Variants in HYDIN observed in about 807,000 individuals in gnomAD.
HYDIN encodes axonemal central pair apparatus protein HYDIN.
A neutral mutation model predicts 403.9 loss-of-function variants in HYDIN; 132 were observed. That is an observed-to-expected ratio of 0.33 (90% confidence interval 0.28 to 0.38). HYDIN has a LOEUF of 0.38. Among genes scored for constraint, HYDIN ranks in the 10% least tolerant of loss-of-function variants. The probability of loss-of-function intolerance (pLI) is 1.00; values close to 1 mark genes in which losing one functional copy is unlikely to be tolerated. For missense variants in HYDIN, 2,827 were observed against 5,009.5 expected (o/e 0.56, Z 13.15); for synonymous variants, 1,202 against 1,891.7 (o/e 0.64, Z 9.46).
rs769629786 is a variant in HYDIN at position 70,868,732 on chromosome 16, A to T, written c.11148T>A (p.Asp3716Glu). The T allele has an allele frequency of 3.4e-5, 55 of 1,613,916 alleles. No homozygotes were observed. The highest frequency in any genetic ancestry group is 4.5e-5 in the Non-Finnish European group (53 of 1,180,006). The change falls in exon 66 of 86, where the codon GAT becomes GAA. Residue 3716 changes from aspartate (D) to glutamate (E), a missense_variant. Physicochemically the swap from Asp to Glu is conservative, Grantham distance 45. Coordinates refer to ENST00000393567, the MANE Select transcript of HYDIN (RefSeq NM_001270974.2). ...AKDIVVTMKS[D>E]VPINLKNMRI... ...GCATATTCTTTAGGTTGATGGGTACATCTGACTTCATGGTCACCACTATGT... is the reference window on the plus strand; with the variant it reads ...GCATATTCTTTAGGTTGATGGGTACTTCTGACTTCATGGTCACCACTATGT...
chr16:70,909,984 G>T (rs546900996), intron 47 of HYDIN, among the ~76,000 whole-genome samples: 5 of 150,308 alleles, frequency 3.3e-5, no homozygotes, highest in Admixed American at 6.6e-5. Context: ...GAGCCACCGC[G>T]CCTGGCCTCA....
intron 16 of HYDIN, among the ~76,000 whole-genome samples, chr16:71,063,907 C>A (rs1293965293): frequency 6.7e-6 from 1 of 149,310 alleles, no homozygotes; most frequent in Non-Finnish European, 1.5e-5. Context: ...GTGTTCTGAC[C>A]AGCAGCTATC....
chr16:70,964,698 C>T, intron 37 of HYDIN, 30 bp downstream of exon 37: 1 of 1,612,452 alleles, frequency 6.2e-7, no homozygotes, highest in Non-Finnish European at 8.5e-7. Context: ...CAATGGTTAG[C>T]ATGAGGTGTT....
At chr16:70,834,991 T>TATATGTGTGTATATATATATATAC (rs1567678062) in intron 78 of HYDIN, among the ~76,000 whole-genome samples, 1 of 137,614 alleles carries the variant, frequency 7.3e-6, no homozygotes, top group East Asian at 2.0e-4. Context: ...TATATATATA[T>TATATGTGTGTATATATATATATAC]ACACACATAT....
At chr16:71,200,903 C>T (rs1466831347) in intron 1 of HYDIN, among the ~76,000 whole-genome samples, 3 of 152,104 alleles carry the variant, frequency 2.0e-5, no homozygotes, top group African/African-American at 7.2e-5. Flanking sequence ...AGTCCATTAA[C>T]CCAATTGGTA....
At chr16:70,891,147 A>T (rs2795782) in intron 57 of HYDIN, among the ~76,000 whole-genome samples, 1 of 152,022 alleles carries the variant, frequency 6.6e-6, no homozygotes, top group African/African-American at 2.4e-5. Context: ...TCACACCAAG[A>T]TCTACTGGTG....
chr16:70,813,944 T>C (rs933562604), intron 84 of HYDIN, among the ~76,000 whole-genome samples: 14 of 152,162 alleles, frequency 9.2e-5, no homozygotes, highest in African/African-American at 3.1e-4. Flanking sequence ...TATGATATCA[T>C]AGAAAAGCTA....
intron 23 of HYDIN, among the ~76,000 whole-genome samples, chr16:70,995,525 G>A (rs2079503052): frequency 6.6e-6 from 1 of 151,982 alleles, no homozygotes; most frequent in African/African-American, 2.4e-5. Context: ...ACAATCTTTT[G>A]TGCTACAAAG....
At chr16:71,056,127 G>GTTTTTT (rs57845299) in intron 18 of HYDIN, among the ~76,000 whole-genome samples, 11 of 106,244 alleles carry the variant, frequency 1.0e-4, no homozygotes, top group Non-Finnish European at 1.7e-4. Context: ...TCTGAGATTT[G>GTTTTTT]TTTTTTTTTT....
At chr16:70,965,994 G>T (rs2078561943) in intron 36 of HYDIN, among the ~76,000 whole-genome samples, 1 of 152,182 alleles carries the variant, frequency 6.6e-6, no homozygotes, top group Admixed American at 6.5e-5. Context: ...GCATAGAGAT[G>T]GCATAGAGAA....
chr16:70,993,614 T>A (rs2079429414), intron 23 of HYDIN, among the ~76,000 whole-genome samples: 1 of 150,704 alleles, frequency 6.6e-6, no homozygotes, highest in East Asian at 1.9e-4. Flanking sequence ...TTAGATACTA[T>A]GAATCAAGTT....
At chr16:71,163,145 C>T (rs1199599743) in intron 5 of HYDIN, among the ~76,000 whole-genome samples, 1 of 129,182 alleles carries the variant, frequency 7.7e-6, no homozygotes, top group East Asian at 2.4e-4. Flanking sequence ...TTTTTTGAGA[C>T]AGAGTCTCGC....
At chr16:70,907,710 G>T (rs191001028) in intron 49 of HYDIN, among the ~76,000 whole-genome samples, 1 of 152,108 alleles carries the variant, frequency 6.6e-6, no homozygotes, top group African/African-American at 2.4e-5. Context: ...CTTCTATAAT[G>T]AGGAGCAGTG....
Position 71,163,283 on chromosome 16 carries a change from C to T in HYDIN, c.517-553G>A, listed in dbSNP as rs531249369. On this transcript the variant is annotated intron_variant, in intron 5 of 85. Transcript: ENST00000393567. ...GACTAGAGGCACCCGCCACCACGCCCGGCTAATTTTTTGTATTTTTAGTAG... is the reference window on the plus strand; with the variant it reads ...GACTAGAGGCACCCGCCACCACGCCTGGCTAATTTTTTGTATTTTTAGTAG... 2.0e-4 allele frequency among the ~76,000 whole-genome samples: 31 copies of T among 152,090 alleles called. No homozygotes were observed. The South Asian group carries it at 2.7e-3, about 13-fold the overall frequency.
In HYDIN at chr16:71,082,759, T is replaced by A. The variant is rs1169916033; in HGVS notation, c.1671-2807A>T. Among the ~76,000 whole-genome samples the A allele has an allele frequency of 1.5e-4, 17 of 112,100 alleles. 3 individuals are homozygous for A. Among genetic ancestry groups the A allele is most frequent in the Non-Finnish European group, 1.7e-4 (10 of 60,454 alleles). 73.5% of individuals were successfully genotyped at this position (112,100 alleles called of 152,430 possible). A position where few individuals can be genotyped will look rare whatever the true frequency, so the allele number is the denominator to read the frequency against. Reference sequence around the variant, plus strand: ...ACTCTGGGATCTTTAGGAGAACAGATCAGAGATTTAAAAAATTCACCCAGG... The same window carrying A: ...ACTCTGGGATCTTTAGGAGAACAGAACAGAGATTTAAAAAATTCACCCAGG... On this transcript the variant is annotated intron_variant, in intron 12 of 85. Coordinates refer to ENST00000393567, the MANE Select transcript of HYDIN (RefSeq NM_001270974.2).
intron 84 of HYDIN, among the ~76,000 whole-genome samples, chr16:70,816,129 G>A (rs1219171689): frequency 2.6e-5 from 4 of 151,950 alleles, no homozygotes; most frequent in East Asian, 1.9e-4. Flanking sequence ...AATGGCAAAC[G>A]CATCCTTTTA....
chr16:70,923,541 G>A (rs2077060093), intron 45 of HYDIN, among the ~76,000 whole-genome samples: 1 of 115,726 alleles, frequency 8.6e-6, no homozygotes, highest in South Asian at 3.2e-4. Context: ...GGTGGCTCAA[G>A]CCTGTAATCC....
chr16:71,134,175 G>A (rs1157718635), intron 8 of HYDIN, among the ~76,000 whole-genome samples: 1 of 152,094 alleles, frequency 6.6e-6, no homozygotes, highest in Non-Finnish European at 1.5e-5. Context: ...AACCATGATG[G>A]CTAGAATGGG....
intron 1 of HYDIN, among the ~76,000 whole-genome samples, chr16:71,211,623 C>A (rs1294216469): frequency 1.5e-5 from 2 of 136,170 alleles, no homozygotes; most frequent in African/African-American, 5.6e-5. Context: ...GCCTGGGCGA[C>A]AGAGTGAGAC....
Sources: gnomAD v4.1 joint callset for allele counts (sites outside exome capture counted in the v4.1 genomes callset) on GRCh38, gnomAD v4.1.1 for gene constraint, MANE v1.5 for transcripts, NCBI Gene and HGNC (gene_info 2026-07-23, HGNC 2026-07-21) for gene names.